The following COG4 variants were observed in gnomAD, a reference collection of about 807,000 sequenced individuals.
COG4 encodes the protein conserved oligomeric Golgi complex subunit 4.
COG4 carries 65 observed loss-of-function variants against 95.1 expected under a neutral mutation model. That is an observed-to-expected ratio of 0.68 (90% CI 0.56 to 0.84). The LOEUF (loss-of-function observed/expected upper bound fraction) is 0.84. COG4 is among the 40% of genes least tolerant of loss of function. The pLI, the probability that COG4 is intolerant of heterozygous loss-of-function variation, is 0.00. For synonymous variants in COG4, 421 were observed against 374.8 expected (o/e 1.12, Z -1.42); for missense variants, 1,045 against 989.1 (o/e 1.06, Z -0.76).
At position 70,482,796 on chromosome 16, in the gene COG4, G is replaced by A. The variant is rs758306569; in HGVS notation, c.1853C>T (p.Thr618Ile). 3.1e-6 allele frequency: 5 copies of A among 1,613,816 alleles called. No individual in the cohort carries two copies. The highest frequency in any genetic ancestry group is 4.2e-6 in the Non-Finnish European group (5 of 1,179,854). The change falls in exon 15 of 19, where the codon ACA (threonine) becomes ATA (isoleucine). Residue 618 changes from threonine (T) to isoleucine (I), a missense_variant. Physicochemically the swap from Thr to Ile is moderately conservative, Grantham distance 89. Transcript: ENST00000323786. ...LQEGLTELNS[T>I]AIKPQVQPWI... is the part of the protein sequence containing the mutation. ...AGGCTGCACCTGTGGCTTGATGGCT[G>A]TGCTGTTGAGCTCCGTCAGCCCTTC...
At chr16:70,488,018 T>A (rs2049172429) in intron 13 of COG4, among the ~76,000 whole-genome samples, 1 of 152,116 alleles carries the variant, frequency 6.6e-6, no homozygotes, top group East Asian at 1.9e-4. Context: ...AGAGATGGGG[T>A]TTCACTATGT....
chr16:70,500,937 A>T (rs767923518), intron 9 of COG4, 21 bp downstream of exon 9: 1 of 1,613,922 alleles, frequency 6.2e-7, no homozygotes, highest in East Asian at 2.2e-5. Flanking sequence ...CCCTCCCCAA[A>T]AATATGGGAA....
chr16:70,521,699 ATTTTTTTT>A (rs566000095), intron 1 of COG4, among the ~76,000 whole-genome samples: 149 of 133,862 alleles, frequency 1.1e-3, no homozygotes, highest in Non-Finnish European at 1.8e-3. Context: ...AAGATACTAA[ATTTTTTTT>A]TTTTTTTTTT....
chr16:70,481,643 C>T, intron 17 of COG4, 121 bp downstream of exon 17: 3 of 1,358,286 alleles, frequency 2.2e-6, no homozygotes, highest in East Asian at 2.4e-5. Flanking sequence ...CAGGACTGGA[C>T]CCAGACATGC....
At position 70,518,141 on chromosome 16, in the gene COG4, G is replaced by T. The variant is rs2049864067; in HGVS notation, c.255-401C>A. Among the ~76,000 whole-genome samples the T allele has an allele frequency of 2.6e-5, 4 of 152,188 alleles. No individual in the cohort carries two copies. In the South Asian group the frequency reaches 8.3e-4, roughly 32 times the overall value. On this transcript the variant is annotated intron_variant, in intron 2 of 18. Coordinates refer to ENST00000323786, the MANE Select transcript of COG4 (RefSeq NM_015386.3). Reference sequence around the variant, plus strand: ...AGACGGGGTTTCACCACGTTGGCCAGGAGATGGTCTTGAACTCTTGACCTT... The same window carrying T: ...AGACGGGGTTTCACCACGTTGGCCATGAGATGGTCTTGAACTCTTGACCTT...
At position 70,517,564 on chromosome 16, in the gene COG4, G is replaced by C. The variant is rs1016567877; in HGVS notation, c.369+62C>G. The C allele has an allele frequency of 6.0e-6, 6 of 991,746 alleles. No individual in the cohort carries two copies. In the African/African-American group the frequency reaches 1.0e-4, roughly 17 times the overall value. 61.4% of individuals were successfully genotyped at this position (991,746 alleles called of 1,614,324 possible). A position where few individuals can be genotyped will look rare whatever the true frequency, so the allele number is the denominator to read the frequency against. ...CATTGTACCACTGTACTCCAGCCTA[G>C]GTGACAGAGCAAGACCCTGTCTCAA... On this transcript the variant is annotated intron_variant, in intron 3 of 18. Transcript: ENST00000323786.
At chr16:70,518,303 A>AG (rs2049866818) in intron 2 of COG4, among the ~76,000 whole-genome samples, 1 of 152,212 alleles carries the variant, frequency 6.6e-6, no homozygotes, top group Admixed American at 6.6e-5. Flanking sequence ...TCAATTGCTA[A>AG]GTGAGCATAA....
chr16:70,523,079 A>T (rs2049986275), intron 1 of COG4: 1 of 455,606 alleles, frequency 2.2e-6, no homozygotes, highest in Non-Finnish European at 4.0e-6. Context: ...AAATACTCTC[A>T]GACTAACTTT....
chr16:70,497,094 G>C, intron 11 of COG4, 127 bp downstream of exon 11: 1 of 936,868 alleles, frequency 1.1e-6, no homozygotes, highest in Non-Finnish European at 1.7e-6. Flanking sequence ...CTATCTTAGG[G>C]ATAGGAGCTG....
chr16:70,520,654 C>T (rs1013438024), intron 1 of COG4, among the ~76,000 whole-genome samples: 4 of 150,366 alleles, frequency 2.7e-5, no homozygotes, highest in African/African-American at 9.8e-5. Context: ...AAAGAAAATA[C>T]AATGCCTAAA....
chr16:70,488,000 T>A lies in COG4; in HGVS notation c.1710+2330A>T, dbSNP rs1280470360. Among the ~76,000 whole-genome samples the A allele has an allele frequency of 2.6e-5, 4 of 151,950 alleles. No homozygotes were observed. In the East Asian group the frequency reaches 7.7e-4, roughly 29 times the overall value. On this transcript the variant is annotated intron_variant, in intron 13 of 18. Coordinates refer to ENST00000323786, the MANE Select transcript of COG4 (RefSeq NM_015386.3). The stretch of plus-strand genomic sequence containing the variant: ...CCACCACAACCGGCTAATTTTTGTA[T>A]TTTTAGTAGAGATGGGGTTTCACTA...
At chr16:70,485,266 T>C (rs1240147010) in intron 13 of COG4, among the ~76,000 whole-genome samples, 1 of 150,158 alleles carries the variant, frequency 6.7e-6, no homozygotes, top group Non-Finnish European at 1.5e-5. Flanking sequence ...TGCAGTGGCA[T>C]GATCTCGGCT....
In COG4 at chr16:70,482,095, G is replaced by C. The variant is rs1192141283; in HGVS notation, c.2001C>G (p.Phe667Leu). The change falls in exon 16 of 19, where the codon TTC (phenylalanine) becomes TTG (leucine). Residue 667 changes from phenylalanine (F) to leucine (L), a missense_variant. Phe to Leu is a conservative substitution (Grantham distance 22, BLOSUM62 0). Coordinates refer to ENST00000323786, the MANE Select transcript of COG4 (RefSeq NM_015386.3). ...ILNLEQQMAE[F>L]KASLSPVIYD... ...GATCCCTAGGGCCCCTGCTCACCTTGAACTCTGCCATTTGCTGCTCCAGGT... is the reference window on the plus strand; with the variant it reads ...GATCCCTAGGGCCCCTGCTCACCTTCAACTCTGCCATTTGCTGCTCCAGGT... The C allele has an allele frequency of 6.2e-7, 1 of 1,613,152 alleles. No homozygotes were observed. The highest frequency in any genetic ancestry group is 8.5e-7 in the Non-Finnish European group (1 of 1,179,292).
intron 17 of COG4, 60 bp from the exon 18 acceptor site, chr16:70,481,547 G>A: frequency 6.2e-7 from 1 of 1,608,682 alleles, no homozygotes; most frequent in African/African-American, 1.3e-5. Flanking sequence ...CTGGCCTCCA[G>A]TTGCCCCCAG....
Position 70,512,328 on chromosome 16 carries a change from G to A in COG4, c.649C>T (p.Pro217Ser). 6.2e-7 allele frequency: 1 copy of A among 1,614,092 alleles called. No individual in the cohort carries two copies. Among genetic ancestry groups the A allele is most frequent in the Non-Finnish European group, 8.5e-7 (1 of 1,179,994 alleles). Residue 217 changes from proline to serine, a missense_variant, in exon 5 of 19, where the codon CCC becomes TCC. By Grantham distance (74) the Pro-to-Ser change is moderately conservative (BLOSUM62 -1). Transcript: ENST00000323786. ...ATCTTGAAGAAGCGCTCCACCTGGG[G>A]CAGATCACCTTCCTTGGTGGCAATG... ...FAIATKEGDL[P>S]QVERFFKIFP...
intron 12 of COG4, among the ~76,000 whole-genome samples, chr16:70,493,141 A>G (rs2049278215): frequency 6.6e-6 from 1 of 152,034 alleles, no homozygotes; most frequent in Non-Finnish European, 1.5e-5. Context: ...AGGTGAGAAC[A>G]TTTCTCCACC....
intron 8 of COG4, among the ~76,000 whole-genome samples, chr16:70,506,593 C>CAAAAA (rs1237710539): frequency 0.055 from 808 of 14,564 alleles, 304 homozygotes; most frequent in East Asian, 0.27. Flanking sequence ...GAGACTGCCT[C>CAAAAA]AAAAAAAAAA....
chr16:70,481,575 C>T (rs1434093911), intron 17 of COG4, 88 bp from the exon 18 acceptor site: 12 of 1,582,902 alleles, frequency 7.6e-6, no homozygotes, highest in South Asian at 3.3e-5. Context: ...TGGCAAGGCC[C>T]GCCAGGCCTC....
intron 3 of COG4, chr16:70,515,973 G>A (rs1489169039): frequency 2.2e-6 from 1 of 455,824 alleles, no homozygotes; most frequent in African/African-American, 2.0e-5. Flanking sequence ...CTGGCCAGCT[G>A]TGGTTTTTCA....
Sources: gnomAD v4.1 joint callset for allele counts (sites outside exome capture counted in the v4.1 genomes callset) on GRCh38, gnomAD v4.1.1 for gene constraint, MANE v1.5 for transcripts, NCBI Gene and HGNC (gene_info 2026-07-23, HGNC 2026-07-21) for gene names.